The following PRKN variants were observed in gnomAD, a reference collection of about 807,000 sequenced individuals.
PRKN encodes parkin RBR E3 ubiquitin protein ligase.
In PRKN, 56 loss-of-function variants were observed where a neutral mutation model predicts 59.5. The ratio of observed to expected loss-of-function variants is 0.94; its 90% confidence interval spans 0.76 to 1.18. The LOEUF (loss-of-function observed/expected upper bound fraction) is 1.18. PRKN is among the 50% of genes most tolerant of loss of function. The pLI, the probability that PRKN is intolerant of heterozygous loss-of-function variation, is 0.00. For synonymous variants in PRKN, 250 were observed against 222.1 expected, an observed-to-expected ratio of 1.13 and a Z score of -1.12; for missense variants, 657 against 596.4, an observed-to-expected ratio of 1.10 and a Z score of -1.06.
At chr6:162,150,869 T>A (rs1782240578) in intron 4 of PRKN, among the ~76,000 whole-genome samples, 1 of 152,156 alleles carries the variant, frequency 6.6e-6, no homozygotes. Flanking sequence ...CCACATCCTA[T>A]GAGGTGAGTC....
chr6:162,549,031 A>T (rs960343465), intron 1 of PRKN, among the ~76,000 whole-genome samples: 5 of 138,218 alleles, frequency 3.6e-5, no homozygotes, highest in African/African-American at 1.2e-4. Context: ...TCACATTTAT[A>T]TGTTGAAATC....
rs1234281095 is a variant in PRKN, at chr6:161,502,530, T to TA, written c.1083+46323dup. Reference sequence around the variant, plus strand: ...CGACTCTGGAATCCATTCCCACATTTAAAAAATGGGATAATGTGAGCTGTC... The same window carrying TA: ...CGACTCTGGAATCCATTCCCACATTTAAAAAAATGGGATAATGTGAGCTGTC... On this transcript the variant is annotated intron_variant, in intron 9 of 11. Coordinates refer to ENST00000366898, the MANE Select transcript of PRKN (RefSeq NM_004562.3). The surrounding 1 kb of genome is among the most constrained non-coding windows in gnomAD (Gnocchi z 4.0). Among the ~76,000 whole-genome samples the TA allele has an allele frequency of 6.6e-6, 1 of 152,062 alleles. No homozygotes were observed. The highest frequency in any genetic ancestry group is 1.5e-5 in the Non-Finnish European group (1 of 68,026).
chr6:162,649,340 T>C lies in PRKN; in HGVS notation c.7+78322A>G, dbSNP rs143774603. ...GTTAAGGTAACCATATAATTCATCA[T>C]ACAATCCAGAGCACTTTTAAGATAA... On this transcript the variant is annotated intron_variant, in intron 1 of 11. Coordinates refer to ENST00000366898, the MANE Select transcript of PRKN (RefSeq NM_004562.3). Among the ~76,000 whole-genome samples, 326 of 152,286 alleles carry C rather than the reference T, an allele frequency of 2.1e-3. 3 individuals are homozygous for C. The highest frequency in any genetic ancestry group is 7.4e-3 in the African/African-American group (306 of 41,556).
chr6:162,199,179 T>A (rs1365105751), intron 4 of PRKN, among the ~76,000 whole-genome samples: 1 of 151,112 alleles, frequency 6.6e-6, no homozygotes, highest in Non-Finnish European at 1.5e-5. Context: ...TGTGGACATA[T>A]GAGTATGTGA....
intron 7 of PRKN, among the ~76,000 whole-genome samples, chr6:161,644,561 C>T (rs1783855844): frequency 6.6e-6 from 1 of 152,210 alleles, no homozygotes; most frequent in Non-Finnish European, 1.5e-5. Flanking sequence ...GTGGGCTTGT[C>T]TCATCTCCCA....
intron 2 of PRKN, among the ~76,000 whole-genome samples, chr6:162,368,764 C>T (rs1434872929): frequency 1.3e-5 from 2 of 152,294 alleles, no homozygotes; most frequent in South Asian, 2.1e-4. Context: ...AACTCTTCAA[C>T]GTCCTTCAAA....
intron 5 of PRKN, among the ~76,000 whole-genome samples, chr6:162,034,558 G>C (rs955486145): frequency 6.6e-6 from 1 of 152,112 alleles, no homozygotes; most frequent in South Asian, 2.1e-4. Context: ...AAACTTGAAA[G>C]GTGAACAGGA....
intron 1 of PRKN, among the ~76,000 whole-genome samples, chr6:162,580,855 T>C (rs1248025532): frequency 2.6e-5 from 4 of 152,222 alleles, no homozygotes; most frequent in Admixed American, 6.5e-5. Flanking sequence ...TTGCTGAGTA[T>C]ATAACGCCTT....
At chr6:162,718,783 C>G (rs1453213389) in intron 1 of PRKN, among the ~76,000 whole-genome samples, 3 of 152,042 alleles carry the variant, frequency 2.0e-5, no homozygotes, top group Non-Finnish European at 4.4e-5. Flanking sequence ...GGCAACAATG[C>G]CCAGAAATTG....
intron 5 of PRKN, among the ~76,000 whole-genome samples, chr6:161,993,219 GA>G (rs1781718085): frequency 6.6e-6 from 1 of 151,752 alleles, no homozygotes; most frequent in Non-Finnish European, 1.5e-5. Flanking sequence ...GAATAACCAA[GA>G]AAAAAGATAG....
chr6:162,556,078 G>C (rs762008867), intron 1 of PRKN, among the ~76,000 whole-genome samples: 1 of 151,842 alleles, frequency 6.6e-6, no homozygotes, highest in Non-Finnish European at 1.5e-5. Context: ...AAGCAGGGAG[G>C]CAGCTAGCTG....
At position 161,352,755 on chromosome 6, in the gene PRKN, G is replaced by GTGTATATATATATATA. The variant is rs766949960; in HGVS notation, c.1286-2545_1286-2544insTATATATATATATACA. The stretch of plus-strand genomic sequence containing the variant: ...TGTGTGTGTGTGTGTGTGTGTGTGT[G>GTGTATATATATATATA]TATATATATATATATATTTTATTTT... On this transcript the variant is annotated intron_variant, in intron 11 of 11. Transcript: ENST00000366898. The surrounding 1 kb of genome is among the most constrained non-coding windows in gnomAD (Gnocchi z 5.8). Among the ~76,000 whole-genome samples the GTGTATATATATATATA allele has an allele frequency of 2.6e-3, 345 of 134,324 alleles. 3 individuals are homozygous for GTGTATATATATATATA. Among genetic ancestry groups the GTGTATATATATATATA allele is most frequent in the African/African-American group, 9.3e-3 (331 of 35,736 alleles). 88.1% of individuals were successfully genotyped at this position (134,324 alleles called of 152,430 possible).
At chr6:161,810,570 A>G (rs896943026) in intron 6 of PRKN, among the ~76,000 whole-genome samples, 4 of 152,224 alleles carry the variant, frequency 2.6e-5, no homozygotes, top group African/African-American at 9.7e-5. Flanking sequence ...AACAGAAAGC[A>G]TCATACCTTG....
At chr6:162,371,768 G>A (rs2128137187) in intron 2 of PRKN, among the ~76,000 whole-genome samples, 1 of 152,236 alleles carries the variant, frequency 6.6e-6, no homozygotes, top group East Asian at 1.9e-4. Flanking sequence ...GTTCTGTGAT[G>A]CCAACAAATT....
At chr6:162,391,837 G>C (rs1286092978) in intron 2 of PRKN, among the ~76,000 whole-genome samples, 1 of 152,082 alleles carries the variant, frequency 6.6e-6, no homozygotes, top group African/African-American at 2.4e-5. Flanking sequence ...AAAATCTTAG[G>C]TTAGTGCTAA....
chr6:162,677,260 G>T (rs796118716), intron 1 of PRKN, among the ~76,000 whole-genome samples: 1 of 151,666 alleles, frequency 6.6e-6, no homozygotes, highest in African/African-American at 2.4e-5. Context: ...AGCCAATGAC[G>T]ACAGGTAAAA....
rs73035819 is a variant in PRKN at position 162,451,042 on chromosome 6, G to C, written c.8-7569C>G. ...AAAATAAATGTTCATATATATTAAA[G>C]AAAAAGATCTAGATGGAGATCAGAC... On this transcript the variant is annotated intron_variant, in intron 1 of 11. Coordinates refer to ENST00000366898, the MANE Select transcript of PRKN (RefSeq NM_004562.3). Among the ~76,000 whole-genome samples the C allele has an allele frequency of 5.2e-3, 784 of 152,074 alleles. 5 individuals are homozygous for C. Among genetic ancestry groups the C allele is most frequent in the South Asian group, 0.02 (96 of 4,822 alleles).
At chr6:162,452,596 T>C (rs1412338221) in intron 1 of PRKN, among the ~76,000 whole-genome samples, 1 of 152,002 alleles carries the variant, frequency 6.6e-6, no homozygotes, top group Non-Finnish European at 1.5e-5. Context: ...ATAAAAATAT[T>C]GACCCAAAAA....
At chr6:161,871,983 T>C (rs1289767179) in intron 6 of PRKN, among the ~76,000 whole-genome samples, 1 of 152,118 alleles carries the variant, frequency 6.6e-6, no homozygotes, top group Non-Finnish European at 1.5e-5. Context: ...ACCTATAAAA[T>C]AGGTATCTGA....
Sources: gnomAD v4.1 joint callset for allele counts (sites outside exome capture counted in the v4.1 genomes callset) on GRCh38, gnomAD v4.1.1 for gene constraint, Gnocchi (gnomAD v3.1) non-coding constraint, MANE v1.5 for transcripts, NCBI Gene and HGNC (gene_info 2026-07-23, HGNC 2026-07-21) for gene names.